The following MROH1 variants were observed in gnomAD, a reference collection of about 807,000 sequenced individuals.
MROH1 encodes the protein maestro heat-like repeat-containing protein family member 1.
A neutral mutation model predicts 116.5 loss-of-function variants in MROH1; 117 were observed. That is an observed-to-expected ratio of 1.00 (90% confidence interval 0.86 to 1.17). MROH1 has a LOEUF of 1.17. Among genes scored for constraint, MROH1 ranks in the 50% most tolerant of loss-of-function variants. MROH1 has a pLI of 0.00. For missense variants in MROH1, 1,873 were observed against 1,338.5 expected (o/e 1.40, Z -6.23); for synonymous variants, 921 against 583.9 (o/e 1.58, Z -8.32).
intron 12 of MROH1, among the ~76,000 whole-genome samples, chr8:144,211,734 A>G (rs1351862951): frequency 3.3e-5 from 5 of 152,092 alleles, no homozygotes; most frequent in Non-Finnish European, 7.4e-5. Context: ...CTCAAAAAAA[A>G]AAAAAAGAAA....
intron 33 of MROH1, 98 bp from the exon 34 acceptor site, chr8:144,254,715 C>T (rs1843393004): frequency 1.5e-6 from 1 of 651,216 alleles, no homozygotes; most frequent in African/African-American, 1.8e-5. Context: ...GTGGCTGTGT[C>T]TGAGCGTCGT....
chr8:144,200,491 G>A lies in MROH1; in HGVS notation c.1091G>A (p.Arg364Lys), dbSNP rs1201457514. 6.4e-7 allele frequency: 1 copy of A among 1,551,974 alleles called. No homozygotes were observed. Among genetic ancestry groups the A allele is most frequent in the East Asian group, 2.4e-5 (1 of 41,024 alleles). The change falls in exon 12 of 44, where the codon AGG (arginine) becomes AAG (lysine). Residue 364 changes from arginine to lysine, a missense_variant. By Grantham distance (26) the Arg-to-Lys change is conservative. Coordinates refer to ENST00000326134, the MANE Select transcript of MROH1 (RefSeq NM_032450.3). The part of the protein sequence containing the change: ...LLPRLDTSNE[R>K]TRVGTLQVVR... ...CCCAGGCTGGACACCAGCAATGAGA[G>A]GACCCGCGTGGGCACCCTGCAGGTG...
intron 1 of MROH1, among the ~76,000 whole-genome samples, chr8:144,154,876 T>G (rs1454700557): frequency 1.3e-5 from 2 of 151,898 alleles, no homozygotes; most frequent in African/African-American, 4.8e-5. Flanking sequence ...TGGAGCGCAG[T>G]GGTGCAATCT....
chr8:144,231,015 C>G (rs1331610525), intron 14 of MROH1, among the ~76,000 whole-genome samples: 19 of 138,672 alleles, frequency 1.4e-4, no homozygotes, highest in African/African-American at 4.7e-4. Context: ...TGACTCTTAA[C>G]GAGCATGCTG....
At position 144,239,123 on chromosome 8, in the gene MROH1, C is replaced by T. The variant is rs1305226551; in HGVS notation, c.1535C>T (p.Ala512Val). 19 of 773,586 alleles carry T rather than the reference C, an allele frequency of 2.5e-5. No individual in the cohort carries two copies. Among genetic ancestry groups the T allele is most frequent in the Non-Finnish European group, 4.1e-5 (17 of 417,650 alleles). The allele number at this position is 773,586 out of a possible 1,614,324, so 47.9% of individuals were successfully genotyped here. ...CTCTGCAGGAGCCTCGTGCATCTGG[C>T]GCAGAAGAGGCAGGAGGCCGGGGCC... is the stretch of plus-strand genomic sequence containing the variant. ...TPLCRSLVHL[A>V]QKRQEAGADA... The change falls in exon 16 of 44, where the codon GCG becomes GTG. Residue 512 changes from alanine to valine, a missense_variant. By Grantham distance (64) the Ala-to-Val change is moderately conservative. Transcript: ENST00000326134.
intron 1 of MROH1, among the ~76,000 whole-genome samples, chr8:144,153,019 A>G (rs1817215556): frequency 6.6e-6 from 1 of 152,174 alleles, no homozygotes; most frequent in South Asian, 2.1e-4. Context: ...ACATCTCCCT[A>G]GTCCTCCACC....
At chr8:144,210,262 A>G (rs1833809178) in intron 12 of MROH1, among the ~76,000 whole-genome samples, 1 of 152,038 alleles carries the variant, frequency 6.6e-6, no homozygotes, top group African/African-American at 2.4e-5. Flanking sequence ...AATACAGGGA[A>G]ACCCTGTCTC....
At chr8:144,176,042 C>G (rs1823822189) in intron 4 of MROH1, among the ~76,000 whole-genome samples, 1 of 145,034 alleles carries the variant, frequency 6.9e-6, no homozygotes, top group African/African-American at 2.6e-5. Context: ...GGGCGAGACT[C>G]TGTCTCAAAA....
In MROH1 at chr8:144,191,825, G is replaced by A; in HGVS notation, c.825G>A (p.Lys275=). The A allele has an allele frequency of 6.2e-7, 1 of 1,613,600 alleles. No individual in the cohort carries two copies. Among genetic ancestry groups the A allele is most frequent in the Non-Finnish European group, 8.5e-7 (1 of 1,179,868 alleles). ...KLLPGILALY[K]KHAETFYLSK... ...TCCCTGGGATTCTCGCCCTCTACAA[G>A]AAGCACGCAGAGACCTTCTACTTGT... is the stretch of plus-strand genomic sequence containing the variant. The change falls in exon 9 of 44, where the codon AAG becomes AAA. Residue 275 remains lysine (K), a synonymous_variant. Coordinates refer to ENST00000326134, the MANE Select transcript of MROH1 (RefSeq NM_032450.3).
At chr8:144,254,095 C>T (rs1843281403) in intron 33 of MROH1, among the ~76,000 whole-genome samples, 1 of 152,204 alleles carries the variant, frequency 6.6e-6, no homozygotes, top group East Asian at 1.9e-4. Flanking sequence ...CTCATTCCAT[C>T]TTCCGCGTCC....
At chr8:144,175,184 G>C (rs186555692) in intron 4 of MROH1, 1 of 982,722 alleles carries the variant, frequency 1.0e-6, no homozygotes, top group African/African-American at 1.8e-5. Context: ...TCCCAGCAGC[G>C]GATCTGGTCG....
chr8:144,175,499 T>C (rs1465555241), intron 4 of MROH1: 2 of 985,368 alleles, frequency 2.0e-6, no homozygotes, highest in East Asian at 2.3e-4. Context: ...GTTCCTGCAC[T>C]ATACCGGCCG....
intron 43 of MROH1, 36 bp downstream of exon 43, chr8:144,261,385 C>T: frequency 1.4e-6 from 1 of 700,734 alleles, no homozygotes; most frequent in Non-Finnish European, 2.6e-6. Context: ...CCGCTGGGCC[C>T]TGCTGACCCT....
Position 144,244,231 on chromosome 8 carries a change from G to C in MROH1, c.2565G>C (p.Glu855Asp). Residue 855 changes from glutamate (E) to aspartate (D), a missense_variant, in exon 27 of 44, where the codon GAG becomes GAC. Physicochemically the swap from Glu to Asp is conservative, Grantham distance 45. Transcript: ENST00000326134. ...MLTCTYLVSV[E>D]PALDEQARAD... is the part of the protein sequence containing the mutation. ...TTAACTTGCCTCTCAGCTCCGTGGA[G>C]CCAGCGCTGGACGAGCAGGCCCGGG... 1 of 717,920 alleles carries C rather than the reference G, an allele frequency of 1.4e-6. No individual in the cohort carries two copies. The allele number at this position is 717,920 out of a possible 1,614,324, so 44.5% of individuals were successfully genotyped here.
At chr8:144,183,260 T>TA (rs1256254009) in intron 7 of MROH1, among the ~76,000 whole-genome samples, 16 of 150,998 alleles carry the variant, frequency 1.1e-4, no homozygotes, top group African/African-American at 3.9e-4. Flanking sequence ...CACATGCCTG[T>TA]ATTCCAGCTC....
In MROH1 at chr8:144,241,231, G is replaced by C. The variant is rs983046063; in HGVS notation, c.2055+120G>C. On this transcript the variant is annotated intron_variant, in intron 21 of 43. Transcript: ENST00000326134. The stretch of plus-strand genomic sequence containing the variant: ...CTGTGTGTGCGTGTGTGCATACACA[G>C]GTGGTGTGCGTATATGCAGAGAGGG... 3,333 of 694,112 alleles carry C rather than the reference G, an allele frequency of 4.8e-3. 53 individuals carry two copies. Among genetic ancestry groups the C allele is most frequent in the African/African-American group, 0.046 (2,622 of 57,070 alleles). 43.0% of individuals were successfully genotyped at this position (694,112 alleles called of 1,614,324 possible). A position where few individuals can be genotyped will look rare whatever the true frequency, so the allele number is the denominator to read the frequency against.
Position 144,260,680 on chromosome 8 carries a change from A to G in MROH1, c.4384A>G (p.Lys1462Glu), listed in dbSNP as rs1322292303. 4 of 778,982 alleles carry G rather than the reference A, an allele frequency of 5.1e-6. No individual in the cohort carries two copies. The African/African-American group carries it at 6.8e-5, about 13-fold the overall frequency. 48.3% of individuals were successfully genotyped at this position (778,982 alleles called of 1,614,324 possible). A position where few individuals can be genotyped will look rare whatever the true frequency, so the allele number is the denominator to read the frequency against. ...GTATGCTGCATGTCCTTCCCAGGAG[A>G]AGATGGAGTTCCGGACGGCATCTAT... Reference protein sequence around the residue: ...IRIRPFFDSEKMEFRTASIRL... With the variant: ...IRIRPFFDSEEMEFRTASIRL... The change falls in exon 40 of 44, where the codon AAG becomes GAG. Residue 1462 changes from lysine (K) to glutamate (E), a missense_variant. Coordinates refer to ENST00000326134, the MANE Select transcript of MROH1 (RefSeq NM_032450.3).
chr8:144,238,839 CA>C lies in MROH1; in HGVS notation c.1423del (p.Thr475ProfsTer6). ...ISVRTLYLVS[T>X]TVDRMSHVLW... Reference sequence around the variant, plus strand: ...GCGTGCGCACCCTCTACCTGGTCAGCACCACCGTGGACAGGATGAGTCACGT... The same window carrying C: ...GCGTGCGCACCCTCTACCTGGTCAGCCCACCGTGGACAGGATGAGTCACGT... On this transcript the variant is annotated frameshift_variant, in exon 15 of 44. Coordinates refer to ENST00000326134, the MANE Select transcript of MROH1 (RefSeq NM_032450.3). LOFTEE classifies it high-confidence loss of function. 1 of 774,742 alleles carries C rather than the reference CA, an allele frequency of 1.3e-6. No individual in the cohort carries two copies. The allele number at this position is 774,742 out of a possible 1,614,324, so 48.0% of individuals were successfully genotyped here. A position where few individuals can be genotyped will look rare whatever the true frequency, so the allele number is the denominator to read the frequency against.
Position 144,258,860 on chromosome 8 carries a change from G to T in MROH1, c.3875G>T (p.Trp1292Leu). Residue 1292 changes from tryptophan (W) to leucine (L), a missense_variant, in exon 36 of 44, where the codon TGG becomes TTG. Transcript: ENST00000326134. ...VVQRMDLEGGWELLRTSAGHE... is the reference protein window; with the variant it reads ...VVQRMDLEGGLELLRTSAGHE... ...CAGCGCATGGACCTGGAGGGAGGCT[G>T]GGAACTGCTCAGGACCTCGGCGGGG... The T allele has an allele frequency of 1.3e-6, 1 of 769,872 alleles. No individual in the cohort carries two copies. Among genetic ancestry groups the T allele is most frequent in the Non-Finnish European group, 2.4e-6 (1 of 414,698 alleles). 47.7% of individuals were successfully genotyped at this position (769,872 alleles called of 1,614,324 possible). A position where few individuals can be genotyped will look rare whatever the true frequency, so the allele number is the denominator to read the frequency against.
Sources: allele counts gnomAD v4.1 joint callset (sites outside exome capture counted in the v4.1 genomes callset), GRCh38; gene constraint gnomAD v4.1.1; transcripts MANE v1.5; gene names NCBI Gene and HGNC (gene_info 2026-07-23, HGNC 2026-07-21).